ABCB8: variants seen among roughly 807,000 people sequenced by gnomAD.
ABCB8 encodes the protein mitochondrial potassium channel ATP-binding subunit.
In ABCB8, 52 loss-of-function variants were observed where a neutral mutation model predicts 73.0. That is an observed-to-expected ratio of 0.71 (90% CI 0.57 to 0.90). ABCB8 has a LOEUF of 0.90. Ranked by LOEUF, ABCB8 falls within the 40% of genes least tolerant of loss-of-function variation. The pLI, the probability that ABCB8 is intolerant of heterozygous loss-of-function variation, is 0.00. For synonymous variants in ABCB8, 428 were observed against 423.5 expected, an observed-to-expected ratio of 1.01 and a Z score of -0.13; for missense variants, 909 against 974.6, an observed-to-expected ratio of 0.93 and a Z score of 0.90.
intron 1 of ABCB8, 128 bp downstream of exon 1, chr7:151,028,738 G>A (rs1176057163): frequency 3.9e-6 from 6 of 1,537,560 alleles, no homozygotes; most frequent in Non-Finnish European, 4.4e-6. Context: ...GCCTACCGGG[G>A]TGGAATGTCA....
At position 151,041,197 on chromosome 7, in the gene ABCB8, T is replaced by C; in HGVS notation, c.1582T>C (p.Trp528Arg). The C allele has an allele frequency of 1.2e-6, 2 of 1,607,014 alleles. No individual in the cohort carries two copies. The highest frequency in any genetic ancestry group is 1.7e-6 in the Non-Finnish European group (2 of 1,179,694). Residue 528 changes from tryptophan (W) to arginine (R), a missense_variant, in exon 13 of 16, where the codon TGG (tryptophan) becomes CGG (arginine). Coordinates refer to ENST00000358849, the MANE Select transcript of ABCB8 (RefSeq NM_007188.5). ...GGACCTGCGCACCCTTGACCCCTCC[T>C]GGCTCCGGGGCCAGGTTGTCGGCTT... Reference protein sequence around the residue: ...GRDLRTLDPSWLRGQVVGFIS... With the variant: ...GRDLRTLDPSRLRGQVVGFIS...
rs1584961545 is a variant in ABCB8 at position 151,045,446 on chromosome 7, C to T, written c.*97C>T. 1.5e-6 allele frequency: 2 copies of T among 1,342,802 alleles called. No individual in the cohort carries two copies. Among genetic ancestry groups the T allele is most frequent in the East Asian group, 5.9e-5 (2 of 34,092 alleles). The allele number at this position is 1,342,802 out of a possible 1,614,324, so 83.2% of individuals were successfully genotyped here. A position where few individuals can be genotyped will look rare whatever the true frequency, so the allele number is the denominator to read the frequency against. Reference sequence around the variant, plus strand: ...CTGGGGACTGAGCCCCCAGGAGGGCCAGCATGTGGAGAGTCGCTGCGGCTG... The same window carrying T: ...CTGGGGACTGAGCCCCCAGGAGGGCTAGCATGTGGAGAGTCGCTGCGGCTG... On this transcript the variant is annotated 3_prime_UTR_variant, in exon 16 of 16. Coordinates refer to ENST00000358849, the MANE Select transcript of ABCB8 (RefSeq NM_007188.5).
At chr7:151,035,487 G>A in intron 5 of ABCB8, 94 bp from the exon 6 acceptor site, 1 of 1,420,778 alleles carries the variant, frequency 7.0e-7, no homozygotes, top group African/African-American at 1.4e-5. Context: ...CCTTGGCCGT[G>A]GGAGTGCAGA....
intron 9 of ABCB8, chr7:151,037,027 C>T (rs1380245837): frequency 3.8e-5 from 26 of 685,502 alleles, no homozygotes; most frequent in South Asian, 2.0e-4. Context: ...CATTGCTGTG[C>T]GGCTGTTGTC....
In ABCB8 at chr7:151,028,490, G is replaced by C. The variant is rs778111575; in HGVS notation, c.-26G>C. On this transcript the variant is annotated 5_prime_UTR_variant, in exon 1 of 16. Transcript: ENST00000358849. ...GGATGAGGGTGAAACTGCTATTGCCGGCGGCTCCTGTTTTACCGCGTCAGC... is the reference window on the plus strand; with the variant it reads ...GGATGAGGGTGAAACTGCTATTGCCCGCGGCTCCTGTTTTACCGCGTCAGC... The C allele has an allele frequency of 1.1e-5, 18 of 1,603,296 alleles. No homozygotes were observed. Among genetic ancestry groups the C allele is most frequent in the Middle Eastern group, 1.7e-4 (1 of 5,972 alleles).
chr7:151,045,671 C>T lies in ABCB8; in HGVS notation c.*322C>T, dbSNP rs554422408. 1.5e-5 allele frequency: 4 copies of T among 271,082 alleles called. No individual in the cohort carries two copies. Among genetic ancestry groups the T allele is most frequent in the Middle Eastern group, 1.0e-3 (1 of 964 alleles). The allele number at this position is 271,082 out of a possible 1,614,324, so 16.8% of individuals were successfully genotyped here. ...AGACCCCTCCAGACCTCTCAAGAGA[C>T]GTTCTGGCCAGTCTCCCTGCCCCAC... On this transcript the variant is annotated 3_prime_UTR_variant, in exon 16 of 16. Transcript: ENST00000358849.
At chr7:151,041,293 C>G in intron 13 of ABCB8, 61 bp downstream of exon 13, 2 of 1,522,202 alleles carry the variant, frequency 1.3e-6, no homozygotes, top group East Asian at 2.3e-5. Context: ...GGCCCTGCCC[C>G]CTTAGTCCTC....
intron 13 of ABCB8, among the ~76,000 whole-genome samples, chr7:151,041,706 C>G (rs1365788282): frequency 1.3e-5 from 2 of 152,228 alleles, no homozygotes; most frequent in Non-Finnish European, 2.9e-5. Flanking sequence ...ACTCCCAGCG[C>G]CCTGCCCTGC....
In ABCB8 at chr7:151,035,747, C is replaced by T. The variant is rs182058397; in HGVS notation, c.927+5C>T. ...TCTCGCCAGTGTCAGGAGCAGGTAC[C>T]GGCATTCCTGGCCATCCTCTTCACC... On this transcript the variant is annotated splice_donor_5th_base_variant and intron_variant, in intron 6 of 15. Transcript: ENST00000358849. The T allele has an allele frequency of 1.4e-4, 228 of 1,612,242 alleles. No homozygotes were observed. The highest frequency in any genetic ancestry group is 9.3e-4 in the African/African-American group (70 of 74,926).
At chr7:151,032,515 G>A (rs375178158) in intron 1 of ABCB8, among the ~76,000 whole-genome samples, 5 of 152,076 alleles carry the variant, frequency 3.3e-5, no homozygotes, top group Non-Finnish European at 5.9e-5. Context: ...CCAATAAAGC[G>A]AAACCCCATC....
intron 14 of ABCB8, among the ~76,000 whole-genome samples, chr7:151,042,795 T>A (rs1247121123): frequency 6.6e-6 from 1 of 152,228 alleles, no homozygotes; most frequent in African/African-American, 2.4e-5. Context: ...CTGGTCAGTC[T>A]GAGTCCAGCC....
At position 151,036,125 on chromosome 7, in the gene ABCB8, C is replaced by T. The variant is rs755902689; in HGVS notation, c.1066C>T (p.Arg356Cys). Residue 356 changes from arginine to cysteine, a missense_variant, in exon 8 of 16, where the codon CGC becomes TGC. Transcript: ENST00000358849. ...ACRCRAEELG[R>C]GIALFQGLSN... is the part of the protein sequence containing the mutation. ...CCGCTGCCGGGCAGAGGAGCTGGGCCGCGGCATCGCCTTGTTCCAAGGGCT... is the reference window on the plus strand; with the variant it reads ...CCGCTGCCGGGCAGAGGAGCTGGGCTGCGGCATCGCCTTGTTCCAAGGGCT... 61 of 1,613,360 alleles carry T rather than the reference C, an allele frequency of 3.8e-5. No individual in the cohort carries two copies. The highest frequency in any genetic ancestry group is 3.6e-4 in the East Asian group (16 of 44,884).
intron 1 of ABCB8, chr7:151,028,906 C>T (rs1324855155): frequency 6.9e-7 from 1 of 1,449,146 alleles, no homozygotes; most frequent in Non-Finnish European, 9.2e-7. Context: ...TTTCCTGGCC[C>T]TGGAGGTGAT....
Position 151,041,204 on chromosome 7 carries a change from G to A in ABCB8, c.1589G>A (p.Arg530Gln), listed in dbSNP as rs756595575. ...DLRTLDPSWL[R>Q]GQVVGFISQE... The stretch of plus-strand genomic sequence containing the variant: ...CGCACCCTTGACCCCTCCTGGCTCC[G>A]GGGCCAGGTTGTCGGCTTCATCAGC... Residue 530 changes from arginine (R) to glutamine (Q), a missense_variant, in exon 13 of 16, where the codon CGG becomes CAG. Transcript: ENST00000358849. The A allele has an allele frequency of 2.1e-5, 34 of 1,605,396 alleles. No homozygotes were observed. Among genetic ancestry groups the A allele is most frequent in the East Asian group, 4.5e-5 (2 of 44,868 alleles).
chr7:151,041,899 C>T (rs1796476539), intron 13 of ABCB8, 62 bp from the exon 14 acceptor site: 1 of 1,583,512 alleles, frequency 6.3e-7, no homozygotes, highest in African/African-American at 1.3e-5. Context: ...GGTGGCCCCT[C>T]CAGTTTCTGG....
Position 151,033,687 on chromosome 7 carries a change from G to A in ABCB8, c.178G>A (p.Ala60Thr). Residue 60 changes from alanine (A) to threonine (T), a missense_variant, in exon 2 of 16, where the codon GCC becomes ACC. By Grantham distance (58) the Ala-to-Thr change is moderately conservative (BLOSUM62 0). Transcript: ENST00000358849. Reference protein sequence around the residue: ...RSQLWAHLPRAPLAPRWSPSA... With the variant: ...RSQLWAHLPRTPLAPRWSPSA... ...CCAGCTCTGGGCCCACCTCCCTCGAGCCCCCCTAGCTCCCAGATGGAGCCC... is the reference window on the plus strand; with the variant it reads ...CCAGCTCTGGGCCCACCTCCCTCGAACCCCCCTAGCTCCCAGATGGAGCCC... 1 of 1,612,196 alleles carries A rather than the reference G, an allele frequency of 6.2e-7. No homozygotes were observed. The highest frequency in any genetic ancestry group is 8.5e-7 in the Non-Finnish European group (1 of 1,178,928).
At chr7:151,030,661 C>T (rs1189270784) in intron 1 of ABCB8, among the ~76,000 whole-genome samples, 4 of 151,152 alleles carry the variant, frequency 2.6e-5, no homozygotes, top group Non-Finnish European at 4.4e-5. Flanking sequence ...AAAACTTAGC[C>T]GGGTGCGTTG....
At chr7:151,042,851 A>C (rs1273305570) in intron 14 of ABCB8, among the ~76,000 whole-genome samples, 6 of 152,204 alleles carry the variant, frequency 3.9e-5, no homozygotes, top group Non-Finnish European at 8.8e-5. Context: ...ATCGTGTTCT[A>C]GATGGCTCCT....
At chr7:151,033,132 G>A (rs1211459400) in intron 1 of ABCB8, 1 of 458,180 alleles carries the variant, frequency 2.2e-6, no homozygotes, top group African/African-American at 2.0e-5. Flanking sequence ...TCCAGGAGGT[G>A]GGGCTGTGTC....
Sources: gnomAD v4.1 joint callset for allele counts (sites outside exome capture counted in the v4.1 genomes callset) on GRCh38, gnomAD v4.1.1 for gene constraint, MANE v1.5 for transcripts, NCBI Gene and HGNC (gene_info 2026-07-23, HGNC 2026-07-21) for gene names.